Variants in ERMP1 observed in about 807,000 individuals in gnomAD.
The protein encoded by ERMP1 is Felix-ina.
Under a neutral mutation model 92.0 loss-of-function variants are expected in ERMP1, and 86 were observed. The ratio of observed to expected loss-of-function variants is 0.93; its 90% CI spans 0.79 to 1.12. The LOEUF (loss-of-function observed/expected upper bound fraction) is 1.12, where lower values mean the gene tolerates loss of function less well. Ranked by LOEUF, ERMP1 falls within the 50% of genes most tolerant of loss-of-function variation. ERMP1 has a pLI of 0.00. For missense variants in ERMP1, 1,342 were observed against 1,116.3 expected, an observed-to-expected ratio of 1.20 and a Z score of -2.88; for synonymous variants, 530 against 412.8, an observed-to-expected ratio of 1.28 and a Z score of -3.44.
chr9:5,834,605 C>G (rs1457853578), upstream of ERMP1, among the ~76,000 whole-genome samples: 2 of 152,082 alleles, frequency 1.3e-5, no homozygotes, highest in African/African-American at 4.8e-5. Context: ...CACTATGAGA[C>G]TAAAGACAGT....
At chr9:5,825,768 A>C (rs10975303) in intron 2 of ERMP1, among the ~76,000 whole-genome samples, 1 of 151,956 alleles carries the variant, frequency 6.6e-6, no homozygotes, top group Non-Finnish European at 1.5e-5. Flanking sequence ...GAAGATACCT[A>C]ATCTAGTAAG....
chr9:5,806,608 C>A (rs961394346), intron 8 of ERMP1, among the ~76,000 whole-genome samples: 1 of 151,364 alleles, frequency 6.6e-6, no homozygotes, highest in African/African-American at 2.4e-5. Flanking sequence ...TTAAAAAAAA[C>A]ATTTTTTTTT....
upstream of ERMP1, among the ~76,000 whole-genome samples, chr9:5,836,934 C>A (rs973311925): frequency 1.3e-5 from 2 of 152,126 alleles, no homozygotes; most frequent in African/African-American, 2.4e-5. Context: ...TTTTAACCCC[C>A]CCTCAAATTC....
chr9:5,824,067 T>C, intron 3 of ERMP1, 66 bp from the exon 4 acceptor site: 3 of 1,324,830 alleles, frequency 2.3e-6, no homozygotes, highest in Non-Finnish European at 3.2e-6. Context: ...TTGATTTTGC[T>C]TAAACACAGA....
chr9:5,831,091 T>G (rs1003665560), intron 1 of ERMP1, 63 bp from the exon 2 acceptor site: 3 of 1,341,228 alleles, frequency 2.2e-6, no homozygotes, highest in Middle Eastern at 2.1e-4. Context: ...CGTGGGTAAC[T>G]TTTCCACTAC....
chr9:5,806,201 C>T (rs192769083), intron 8 of ERMP1, among the ~76,000 whole-genome samples: 4 of 152,252 alleles, frequency 2.6e-5, no homozygotes, highest in Admixed American at 6.5e-5. Flanking sequence ...GCAGCACCAC[C>T]AATAACCCAC....
chr9:5,855,094 T>C lies in ERMP1; in HGVS notation n.3199+4374A>G, dbSNP rs1830356796. ...TGTTCTCAGTTCTTAGAAAGAAAAA[T>C]TTGAGAGAGATAAAAGCAGTAATTA... On this transcript the variant is annotated intron_variant and non_coding_transcript_variant, in intron 6 of 6. Transcript: ENST00000690753. Among the ~76,000 whole-genome samples, 5 of 152,016 alleles carry C rather than the reference T, an allele frequency of 3.3e-5. 1 individual carries two copies. The South Asian group carries it at 1.0e-3, about 32-fold the overall frequency.
intron 6 of ERMP1, among the ~76,000 whole-genome samples, chr9:5,841,810 G>A (rs1830166543): frequency 6.6e-6 from 1 of 152,130 alleles, no homozygotes; most frequent in Non-Finnish European, 1.5e-5. Context: ...CTTCAAGAAT[G>A]AAGCTGTGGA....
At chr9:5,838,718 A>G (rs555733923) in intron 6 of ERMP1, among the ~76,000 whole-genome samples, 5 of 152,304 alleles carry the variant, frequency 3.3e-5, no homozygotes, top group African/African-American at 1.2e-4. Context: ...CAGAGTTTGG[A>G]ACGTCATATA....
chr9:5,812,139 G>T lies in ERMP1; in HGVS notation c.1100C>A (p.Ser367Tyr). 1.2e-6 allele frequency: 2 copies of T among 1,603,834 alleles called. No homozygotes were observed. Among genetic ancestry groups the T allele is most frequent in the Non-Finnish European group, 1.7e-6 (2 of 1,174,136 alleles). Reference sequence around the variant, plus strand: ...GGAATACCAACCTGCTCTCTGAATGGAATCTGTTAGAATTCTGTCCGCTGT... The same window carrying T: ...GGAATACCAACCTGCTCTCTGAATGTAATCTGTTAGAATTCTGTCCGCTGT... The part of the protein sequence containing the change: ...YDTADRILTD[S>Y]IQRAGDNILA... The change falls in exon 6 of 15, where the codon TCC becomes TAC. Residue 367 changes from serine (S) to tyrosine (Y), a missense_variant. Coordinates refer to ENST00000339450, the MANE Select transcript of ERMP1 (RefSeq NM_024896.3).
At chr9:5,815,941 A>T (rs986146497) in intron 4 of ERMP1, among the ~76,000 whole-genome samples, 2 of 152,134 alleles carry the variant, frequency 1.3e-5, no homozygotes, top group African/African-American at 4.8e-5. Context: ...TTAAAATATT[A>T]CTATTTGATA....
Position 5,833,083 on chromosome 9 carries a change from C to T in ERMP1, c.-56G>A. 7.4e-7 allele frequency: 1 copy of T among 1,354,064 alleles called. No individual in the cohort carries two copies. Among genetic ancestry groups the T allele is most frequent in the Non-Finnish European group, 9.5e-7 (1 of 1,048,504 alleles). 83.9% of individuals were successfully genotyped at this position (1,354,064 alleles called of 1,614,324 possible). ...CCCCAACCCGCGACAGCCCCGGCCG[C>T]CGCCGACGCCGCCGTCGCTGCCGCA... On this transcript the variant is annotated 5_prime_UTR_variant, in exon 1 of 15. Transcript: ENST00000339450.
chr9:5,852,703 C>T (rs1033249903), intron 6 of ERMP1, among the ~76,000 whole-genome samples: 5 of 150,662 alleles, frequency 3.3e-5, no homozygotes, highest in African/African-American at 1.2e-4. Flanking sequence ...CCTTGCAAAT[C>T]CTAAGGATAG....
intron 2 of ERMP1, 141 bp downstream of exon 2, chr9:5,830,586 C>G (rs930579833): frequency 1.6e-6 from 1 of 618,698 alleles, no homozygotes; most frequent in African/African-American, 1.8e-5. Flanking sequence ...TGATACTATC[C>G]TAATTATCCT....
At chr9:5,849,503 C>T (rs1830280426) in intron 6 of ERMP1, among the ~76,000 whole-genome samples, 1 of 152,210 alleles carries the variant, frequency 6.6e-6, no homozygotes, top group South Asian at 2.1e-4. Flanking sequence ...GCTATGCCCA[C>T]TTCCTTCATC....
intron 13 of ERMP1, among the ~76,000 whole-genome samples, chr9:5,793,460 A>C (rs1403866850): frequency 6.6e-6 from 1 of 152,146 alleles, no homozygotes; most frequent in Non-Finnish European, 1.5e-5. Context: ...ATTAATAATC[A>C]CTTTGAATGT....
chr9:5,829,340 G>T (rs989201263), intron 2 of ERMP1, among the ~76,000 whole-genome samples: 2 of 151,830 alleles, frequency 1.3e-5, no homozygotes, highest in Admixed American at 1.3e-4. Flanking sequence ...CATTCTAAAC[G>T]CAATTGTCAA....
intron 5 of ERMP1, 93 bp from the exon 6 acceptor site, chr9:5,812,310 A>G: frequency 1.4e-6 from 1 of 712,156 alleles, no homozygotes. Flanking sequence ...TAAAAGACAA[A>G]ATGTCAAAGC....
intron 5 of ERMP1, among the ~76,000 whole-genome samples, chr9:5,866,457 G>C (rs114009546): frequency 0.012 from 1,806 of 152,290 alleles, 40 homozygotes; most frequent in African/African-American, 0.041. Flanking sequence ...GGCTGTGCGA[G>C]AATGCTATTA....
Sources: allele counts gnomAD v4.1 joint callset (sites outside exome capture counted in the v4.1 genomes callset), GRCh38; gene constraint gnomAD v4.1.1; transcripts MANE v1.5; gene names NCBI Gene and HGNC (gene_info 2026-07-23, HGNC 2026-07-21).